ATG10: variants seen among roughly 807,000 people sequenced by gnomAD.
The protein encoded by ATG10 is autophagy related 10.
In ATG10, 30 loss-of-function variants were observed where a neutral mutation model predicts 32.1. The ratio of observed to expected loss-of-function variants is 0.94; its 90% CI spans 0.70 to 1.27. The LOEUF (loss-of-function observed/expected upper bound fraction) is 1.27, where lower values mean the gene tolerates loss of function less well. ATG10 is among the 50% of genes most tolerant of loss of function. ATG10 has a pLI of 0.00. For synonymous variants in ATG10, 87 were observed against 91.5 expected, an observed-to-expected ratio of 0.95 and a Z score of 0.28; for missense variants, 233 against 262.3, an observed-to-expected ratio of 0.89 and a Z score of 0.77.
chr5:81,989,662 G>A (rs943704324), intron 2 of ATG10, among the ~76,000 whole-genome samples: 1 of 151,476 alleles, frequency 6.6e-6, no homozygotes, highest in African/African-American at 2.4e-5. Flanking sequence ...GCAGTGGCAC[G>A]ATCTCAGCTC....
chr5:82,034,834 C>T (rs938760943), intron 2 of ATG10, among the ~76,000 whole-genome samples: 1 of 152,066 alleles, frequency 6.6e-6, no homozygotes, highest in African/African-American at 2.4e-5. Context: ...TCACACCTGC[C>T]CACCCTACGT....
chr5:82,028,766 T>A (rs1762662997), intron 2 of ATG10, among the ~76,000 whole-genome samples: 1 of 152,240 alleles, frequency 6.6e-6, no homozygotes, highest in African/African-American at 2.4e-5. Flanking sequence ...CTTTGAGTAT[T>A]TGTTGAAAGG....
intron 3 of ATG10, among the ~76,000 whole-genome samples, chr5:82,086,181 G>T (rs192963402): frequency 5.7e-4 from 86 of 152,062 alleles, no homozygotes; most frequent in Admixed American, 1.5e-3. Context: ...TCTTAGTATA[G>T]AGAAAAAATA....
intron 3 of ATG10, among the ~76,000 whole-genome samples, chr5:82,123,695 C>G (rs1766136873): frequency 6.8e-6 from 1 of 147,514 alleles, no homozygotes; most frequent in Non-Finnish European, 1.5e-5. Flanking sequence ...TTTCGGAGAC[C>G]CAGGTGAGAG....
intron 5 of ATG10, among the ~76,000 whole-genome samples, chr5:82,236,981 T>C (rs1383194065): frequency 1.3e-5 from 2 of 152,176 alleles, no homozygotes; most frequent in Non-Finnish European, 2.9e-5. Context: ...TCTGAACTGG[T>C]ATTTCTTCTT....
intron 2 of ATG10, among the ~76,000 whole-genome samples, chr5:82,023,776 GGTTTTTGC>G (rs1374800046): frequency 5.6e-4 from 85 of 152,262 alleles, no homozygotes; most frequent in African/African-American, 1.7e-3. Context: ...CTTTTGCACT[GGTTTTTGC>G]TACTTTTCAG....
At chr5:82,144,210 C>T (rs139911961) in intron 3 of ATG10, among the ~76,000 whole-genome samples, 1 of 151,820 alleles carries the variant, frequency 6.6e-6, no homozygotes, top group African/African-American at 2.4e-5. Context: ...TTTTTGTCCT[C>T]TCTACTTTTC....
At chr5:82,207,709 A>G (rs529372604) in intron 5 of ATG10, among the ~76,000 whole-genome samples, 3 of 152,184 alleles carry the variant, frequency 2.0e-5, no homozygotes, top group Non-Finnish European at 4.4e-5. Flanking sequence ...CTACCCCAAG[A>G]TCATGAAGAC....
chr5:81,993,436 T>G (rs1417861594), intron 2 of ATG10, among the ~76,000 whole-genome samples: 1 of 144,430 alleles, frequency 6.9e-6, no homozygotes, highest in African/African-American at 2.6e-5. Context: ...TCCTTCTTTC[T>G]TTCTTTTTTT....
chr5:81,973,236 TCTC>T (rs1388089443), intron 1 of ATG10: 1 of 152,246 alleles, frequency 6.6e-6, no homozygotes, highest in African/African-American at 2.4e-5. Flanking sequence ...TTAAAGCAAT[TCTC>T]CTGCCTCAGC....
intron 3 of ATG10, among the ~76,000 whole-genome samples, chr5:82,163,734 A>G (rs2149899242): frequency 6.6e-6 from 1 of 152,328 alleles, no homozygotes; most frequent in Admixed American, 6.5e-5. Context: ...TCAGGTGAGA[A>G]GTGAGATGAC....
intron 1 of ATG10, among the ~76,000 whole-genome samples, chr5:81,984,211 G>T (rs920752638): frequency 3.9e-5 from 6 of 152,254 alleles, no homozygotes; most frequent in Non-Finnish European, 8.8e-5. Context: ...GATCACTCGC[G>T]GTTAGGAGCT....
intron 5 of ATG10, among the ~76,000 whole-genome samples, chr5:82,216,034 A>G (rs1745666733): frequency 6.6e-6 from 1 of 152,214 alleles, no homozygotes; most frequent in African/African-American, 2.4e-5. Flanking sequence ...AGCAGGCTTA[A>G]TCAATGTTTA....
chr5:82,059,544 A>T (rs889363682), intron 3 of ATG10, among the ~76,000 whole-genome samples: 3 of 152,160 alleles, frequency 2.0e-5, no homozygotes, highest in Admixed American at 6.5e-5. Context: ...GCACTCATTG[A>T]AATAAAATAC....
chr5:82,183,120 CA>C (rs111241526), intron 5 of ATG10, among the ~76,000 whole-genome samples: 16,085 of 150,888 alleles, frequency 0.11, 956 homozygotes, highest in African/African-American at 0.17. Context: ...GGTAAGGACT[CA>C]AAAAAAACAT....
At chr5:82,136,812 A>C (rs774643050) in intron 3 of ATG10, among the ~76,000 whole-genome samples, 55 of 152,162 alleles carry the variant, frequency 3.6e-4, no homozygotes, top group African/African-American at 1.3e-3. Flanking sequence ...GTGTTTTCCA[A>C]CTTGGTTCCA....
intron 3 of ATG10, among the ~76,000 whole-genome samples, chr5:82,089,122 T>C (rs1410120243): frequency 1.3e-5 from 2 of 152,156 alleles, no homozygotes; most frequent in South Asian, 2.1e-4. Flanking sequence ...GAGACTGAGG[T>C]GTGCAGATCA....
intron 2 of ATG10, among the ~76,000 whole-genome samples, chr5:82,015,873 G>C (rs1289719950): frequency 6.6e-6 from 1 of 152,224 alleles, no homozygotes; most frequent in African/African-American, 2.4e-5. Flanking sequence ...CTGGTGAGGA[G>C]CTGCGTTCCT....
At chr5:82,103,218 T>C (rs1321706242) in intron 3 of ATG10, among the ~76,000 whole-genome samples, 5 of 152,208 alleles carry the variant, frequency 3.3e-5, no homozygotes, top group African/African-American at 4.8e-5. Context: ...ATTTAATAAA[T>C]ATGTTTTGAT....
Sources: allele counts gnomAD v4.1 joint callset (sites outside exome capture counted in the v4.1 genomes callset), GRCh38; gene constraint gnomAD v4.1.1; transcripts MANE v1.5; gene names NCBI Gene and HGNC (gene_info 2026-07-23, HGNC 2026-07-21).